Variants in GEMIN4 observed in about 807,000 individuals in gnomAD.
GEMIN4 encodes the protein gem-associated protein 4.
GEMIN4 carries 59 observed loss-of-function variants against 76.8 expected under a neutral mutation model. The ratio of observed to expected loss-of-function variants is 0.77; its 90% CI spans 0.62 to 0.95. The LOEUF is 0.95. GEMIN4 is among the 40% of genes least tolerant of loss of function. The pLI, the probability that GEMIN4 is intolerant of heterozygous loss-of-function variation, is 0.00. For missense variants in GEMIN4, 1,311 were observed against 1,318.9 expected (o/e 0.99, Z 0.09); for synonymous variants, 562 against 559.7 (o/e 1.00, Z -0.06).
chr17:752,500 C>T, upstream of GEMIN4: 1 of 438,590 alleles, frequency 2.3e-6, no homozygotes, highest in African/African-American at 2.0e-5. Flanking sequence ...CCGGTAACCC[C>T]GGGCGTGCCC....
At chr17:748,077 C>T in intron 1 of GEMIN4, 45 bp from the exon 2 acceptor site, 1 of 1,435,978 alleles carries the variant, frequency 7.0e-7, no homozygotes, top group Non-Finnish European at 9.4e-7. Context: ...GAAAATGTTT[C>T]CAGATGGCCA....
Position 745,825 on chromosome 17 carries a change from C to A in GEMIN4, c.2218G>T (p.Val740Leu), listed in dbSNP as rs201418426. Residue 740 changes from valine (V) to leucine (L), a missense_variant, in exon 2 of 2, where the codon GTA becomes TTA. By Grantham distance (32) the Val-to-Leu change is conservative. Coordinates refer to ENST00000319004, the MANE Select transcript of GEMIN4 (RefSeq NM_015721.3). This position sits in a 1 kb window ranked among gnomAD's most constrained non-coding sequence, Gnocchi z 4.6. ...GAGAAGGTCTCAGCATTGGCTGATA[C>A]AATCTCACACAGGAGCTCCAGGATA... is the stretch of plus-strand genomic sequence containing the variant. ...IHILELLCEIVSANAETFSPD... is the reference protein window; with the variant it reads ...IHILELLCEILSANAETFSPD... 5 of 1,613,112 alleles carry A rather than the reference C, an allele frequency of 3.1e-6. No individual in the cohort carries two copies. Among genetic ancestry groups the A allele is most frequent in the South Asian group, 1.1e-5 (1 of 91,004 alleles).
At chr17:752,627 A>C (rs1368937085), upstream of GEMIN4, 2 of 1,007,396 alleles carry the variant, frequency 2.0e-6, no homozygotes, top group East Asian at 8.6e-5. Context: ...CAGTCCCTCA[A>C]CGCGCTCCTG....
chr17:753,690 T>C (rs1260124886), upstream of GEMIN4: 4 of 152,404 alleles, frequency 2.6e-5, no homozygotes, highest in Non-Finnish European at 4.4e-5. Flanking sequence ...ACTTTTTGTA[T>C]GGTTTTGGGT....
At position 744,707 on chromosome 17, in the gene GEMIN4, T is replaced by G; in HGVS notation, c.*159A>C. 1 of 667,492 alleles carries G rather than the reference T, an allele frequency of 1.5e-6. No individual in the cohort carries two copies. The highest frequency in any genetic ancestry group is 2.4e-6 in the Non-Finnish European group (1 of 411,106). 41.3% of individuals were successfully genotyped at this position (667,492 alleles called of 1,614,324 possible). A position where few individuals can be genotyped will look rare whatever the true frequency, so the allele number is the denominator to read the frequency against. ...TCTTTACACCATTATTGCCATGACT[T>G]TTTGTGGACAGTTTCACATAACTGT... is the stretch of plus-strand genomic sequence containing the variant. On this transcript the variant is annotated 3_prime_UTR_variant, in exon 2 of 2. Transcript: ENST00000319004.
chr17:747,404 C>G lies in GEMIN4; in HGVS notation c.639G>C (p.Met213Ile), dbSNP rs552437432. The G allele has an allele frequency of 6.2e-7, 1 of 1,613,714 alleles. No individual in the cohort carries two copies. The highest frequency in any genetic ancestry group is 8.5e-7 in the Non-Finnish European group (1 of 1,179,892). ...LRSDPDACPT[M>I]PLLAMLLRGL... ...CGCGGAGCAGCATGGCCAACAGGGG[C>G]ATGGTGGGGCACGCGTCTGGGTCTG... Residue 213 changes from methionine (M) to isoleucine (I), a missense_variant, in exon 2 of 2, where the codon ATG becomes ATC. By Grantham distance (10) the Met-to-Ile change is conservative. This residue lies in a region of GEMIN4 where 1,208 missense variants were observed against 1,166.9 expected (regional missense o/e 1.04). Coordinates refer to ENST00000319004, the MANE Select transcript of GEMIN4 (RefSeq NM_015721.3).
upstream of GEMIN4, chr17:753,143 G>A (rs4024554): frequency 7.4e-6 from 1 of 134,470 alleles, no homozygotes; most frequent in Admixed American, 7.4e-5. Context: ...AGTGGGGGGC[G>A]TGGAGCGCGA....
rs756630533 is a variant in GEMIN4, at chr17:746,276, C to G, written c.1767G>C (p.Arg589Ser). 6.2e-7 allele frequency: 1 copy of G among 1,613,780 alleles called. No homozygotes were observed. Among genetic ancestry groups the G allele is most frequent in the South Asian group, 1.1e-5 (1 of 91,082 alleles). ...AATTGGGACCCTGCTCTTCCACAAACCTAAGGGCAGGGAAGGCAGTGAGAA... is the reference window on the plus strand; with the variant it reads ...AATTGGGACCCTGCTCTTCCACAAAGCTAAGGGCAGGGAAGGCAGTGAGAA... ...AQILTAFPAL[R>S]FVEEQGPNSS... Residue 589 changes from arginine (R) to serine (S), a missense_variant, in exon 2 of 2, where the codon AGG becomes AGC. Physicochemically the swap from Arg to Ser is moderately radical, Grantham distance 110. This residue lies in a region of GEMIN4 where 1,208 missense variants were observed against 1,166.9 expected (regional missense o/e 1.04). Coordinates refer to ENST00000319004, the MANE Select transcript of GEMIN4 (RefSeq NM_015721.3). This position sits in a 1 kb window ranked among gnomAD's most constrained non-coding sequence, Gnocchi z 4.3.
Position 745,093 on chromosome 17 carries a change from A to G in GEMIN4, c.2950T>C (p.Cys984Arg), listed in dbSNP as rs763635391. 3.7e-6 allele frequency: 6 copies of G among 1,612,950 alleles called. No individual in the cohort carries two copies. The highest frequency in any genetic ancestry group is 5.1e-6 in the Non-Finnish European group (6 of 1,179,586). ...EALFVYTQVF[C>R]HALHIMAMLH... ...ATGGCCATGATGTGCAGAGCATGGC[A>G]GAACACCTGGGTGTAAACAAACAGG... Residue 984 changes from cysteine (C) to arginine (R), a missense_variant, in exon 2 of 2, where the codon TGC becomes CGC. By Grantham distance (180) the Cys-to-Arg change is radical. Around this residue, in one of 2 missense-constraint regions of GEMIN4, gnomAD observed 1,208 missense variants for 1,166.9 expected, o/e 1.04. Transcript: ENST00000319004. The surrounding 1 kb of genome is among the most constrained non-coding windows in gnomAD (Gnocchi z 4.6).
Position 745,468 on chromosome 17 carries a change from G to T in GEMIN4, c.2575C>A (p.Gln859Lys). 1 of 1,612,152 alleles carries T rather than the reference G, an allele frequency of 6.2e-7. No homozygotes were observed. Among genetic ancestry groups the T allele is most frequent in the Non-Finnish European group, 8.5e-7 (1 of 1,179,858 alleles). The change falls in exon 2 of 2, where the codon CAA becomes AAA. Residue 859 changes from glutamine to lysine, a missense_variant. By Grantham distance (53) the Gln-to-Lys change is moderately conservative. Transcript: ENST00000319004. The surrounding 1 kb of genome is among the most constrained non-coding windows in gnomAD (Gnocchi z 4.6). ...FSKGFLVALV[Q>K]VMPWCSPQEW... ...TGAGGGCTGCACCAAGGCATGACTT[G>T]CACCAGGGCCACCAGAAAGCCTTTG... is the stretch of plus-strand genomic sequence containing the variant.
intron 1 of GEMIN4, chr17:749,801 TTTA>T: frequency 1.0e-6 from 1 of 994,226 alleles, no homozygotes; most frequent in South Asian, 4.3e-5. Context: ...GCCTTCACTC[TTTA>T]TAAACTTGCC....
rs760302582 is a variant in GEMIN4, at chr17:752,125, G to A, written c.10+8C>T. The A allele has an allele frequency of 1.1e-5, 13 of 1,237,850 alleles. No homozygotes were observed. The South Asian group carries it at 1.2e-4, about 11-fold the overall frequency. 76.7% of individuals were successfully genotyped at this position (1,237,850 alleles called of 1,614,324 possible). ...CGCAGCCCGGGGCCGGGGAGCCGCGGCACCCACCTAGGTCCATGGCGGCGA... is the reference window on the plus strand; with the variant it reads ...CGCAGCCCGGGGCCGGGGAGCCGCGACACCCACCTAGGTCCATGGCGGCGA... On this transcript the variant is annotated splice_region_variant and intron_variant, in intron 1 of 1. Transcript: ENST00000319004.
chr17:749,776 A>C (rs1004724238), intron 1 of GEMIN4: 26 of 983,714 alleles, frequency 2.6e-5, no homozygotes, highest in Admixed American at 5.8e-5. Context: ...GCACAGAAGG[A>C]ATCAGACAAG....
At position 744,911 on chromosome 17, in the gene GEMIN4, A is replaced by G. The variant is rs1419345284; in HGVS notation, c.3132T>C (p.Pro1044=). ...GCAACAGGGTTTGGCGCCGTTCTTC[A>G]GGGCCGATGCCCTCAGCAATGGACT... The part of the protein sequence containing the change: ...FLKSIAEGIG[P]EERRQTLLQK... The change falls in exon 2 of 2, where the codon CCT becomes CCC. Residue 1044 remains proline, a synonymous_variant. Transcript: ENST00000319004. 5 of 1,613,534 alleles carry G rather than the reference A, an allele frequency of 3.1e-6. No individual in the cohort carries two copies. Among genetic ancestry groups the G allele is most frequent in the Non-Finnish European group, 4.2e-6 (5 of 1,179,798 alleles).
rs376638056 is a variant in GEMIN4, at chr17:747,569, G to A, written c.474C>T (p.Ala158=). Residue 158 remains alanine (A), a synonymous_variant, in exon 2 of 2, where the codon GCC becomes GCT. Coordinates refer to ENST00000319004, the MANE Select transcript of GEMIN4 (RefSeq NM_015721.3). ...VTVDTSAEDV[A]FFLDVWWEVM... is the part of the protein sequence containing the mutation. ...CCTCCCACCAGACGTCCAGGAAGAA[G>A]GCCACGTCTTCGGCAGAAGTGTCAA... 64 of 1,613,832 alleles carry A rather than the reference G, an allele frequency of 4.0e-5. No individual in the cohort carries two copies. In the African/African-American group the frequency reaches 6.5e-4, roughly 16 times the overall value.
intron 1 of GEMIN4, chr17:749,186 A>C (rs1904487028): frequency 1.6e-5 from 2 of 125,664 alleles, no homozygotes; most frequent in African/African-American, 4.0e-5. Flanking sequence ...ACACGGCCAC[A>C]GGGTAATGGG....
At chr17:752,402 A>G (rs1342763728), upstream of GEMIN4, 2 of 705,854 alleles carry the variant, frequency 2.8e-6, no homozygotes, top group African/African-American at 1.9e-5. Context: ...CGCTCACTAG[A>G]CCCCTCCGCA....
chr17:744,780 A>AGCCCAGCTTTTTC lies in GEMIN4; in HGVS notation c.*73_*85dup. The AGCCCAGCTTTTTC allele has an allele frequency of 7.0e-7, 1 of 1,427,448 alleles. No homozygotes were observed. Among genetic ancestry groups the AGCCCAGCTTTTTC allele is most frequent in the Non-Finnish European group, 9.3e-7 (1 of 1,077,910 alleles). The allele number at this position is 1,427,448 out of a possible 1,614,324, so 88.4% of individuals were successfully genotyped here. A position where few individuals can be genotyped will look rare whatever the true frequency, so the allele number is the denominator to read the frequency against. On this transcript the variant is annotated 3_prime_UTR_variant, in exon 2 of 2. Coordinates refer to ENST00000319004, the MANE Select transcript of GEMIN4 (RefSeq NM_015721.3). ...GACCCCTACAGACCTGCCATGTTGA[A>AGCCCAGCTTTTTC]GCCCAGCTTTTTCGCTCCCGCACAG...
intron 1 of GEMIN4, among the ~76,000 whole-genome samples, chr17:751,377 TGTCTG>T (rs1267940348): frequency 1.3e-5 from 2 of 152,092 alleles, no homozygotes; most frequent in Non-Finnish European, 2.9e-5. Flanking sequence ...CCTGAAAAGC[TGTCTG>T]GGGGCGGGGA....
Sources: gnomAD v4.1 joint callset for allele counts (sites outside exome capture counted in the v4.1 genomes callset) on GRCh38, gnomAD v4.1.1 for gene constraint, gnomAD v4.1.1 regional missense constraint, Gnocchi (gnomAD v3.1) non-coding constraint, MANE v1.5 for transcripts, NCBI Gene and HGNC (gene_info 2026-07-23, HGNC 2026-07-21) for gene names.